ABCA3: variants seen among roughly 807,000 people sequenced by gnomAD.
ABCA3 encodes ATP binding cassette subfamily A member 3.
In ABCA3, 88 loss-of-function variants were observed where a neutral mutation model predicts 172.8. The ratio of observed to expected loss-of-function variants is 0.51; its 90% CI spans 0.43 to 0.61. ABCA3 has a LOEUF of 0.61. ABCA3 is among the 20% of genes least tolerant of loss of function. The pLI is 0.00. For missense variants in ABCA3, 2,164 were observed against 2,301.0 expected (o/e 0.94, Z 1.22); for synonymous variants, 1,066 against 983.8 (o/e 1.08, Z -1.56).
chr16:2,315,250 G>A (rs1161251333), intron 10 of ABCA3, among the ~76,000 whole-genome samples: 1 of 146,738 alleles, frequency 6.8e-6, no homozygotes, highest in Non-Finnish European at 1.5e-5. Context: ...ACACAGCAAA[G>A]TCTGATGAGA....
rs981158726 is a variant in ABCA3 at position 2,286,273 on chromosome 16, G to A, written c.3278+421C>T. ...CCCTGCCCACACAATGGCATGGCAG[G>A]CTCCCGACGTGCGGCCATCTGAGGA... On this transcript the variant is annotated intron_variant, in intron 22 of 32. Transcript: ENST00000301732. This position sits in a 1 kb window ranked among gnomAD's most constrained non-coding sequence, Gnocchi z 5.2. Among the ~76,000 whole-genome samples the A allele has an allele frequency of 3.2e-4, 49 of 152,324 alleles. No homozygotes were observed. Among genetic ancestry groups the A allele is most frequent in the African/African-American group, 1.2e-3 (49 of 41,576 alleles).
At chr16:2,291,446 AG>A (rs2093671869) in intron 19 of ABCA3, among the ~76,000 whole-genome samples, 1 of 151,960 alleles carries the variant, frequency 6.6e-6, no homozygotes, top group African/African-American at 2.4e-5. Flanking sequence ...CACCACGCCC[AG>A]CCCCCATGCA....
intron 18 of ABCA3, among the ~76,000 whole-genome samples, chr16:2,295,315 G>A (rs1023264779): frequency 6.6e-6 from 1 of 152,228 alleles, no homozygotes; most frequent in East Asian, 1.9e-4. Context: ...GGGAGTGTGA[G>A]CCCTGCATCA....
At chr16:2,317,038 C>T (rs1025581516) in intron 10 of ABCA3, among the ~76,000 whole-genome samples, 14 of 152,236 alleles carry the variant, frequency 9.2e-5, no homozygotes, top group African/African-American at 3.4e-4. Context: ...ACTTCTGGCT[C>T]GCCTTCCCTT....
At chr16:2,336,935 C>A (rs1008140104) in intron 1 of ABCA3, among the ~76,000 whole-genome samples, 5 of 150,370 alleles carry the variant, frequency 3.3e-5, no homozygotes, top group South Asian at 2.1e-4. Context: ...CTGTTAGAGA[C>A]AGGGTCTTGC....
At chr16:2,299,336 G>A (rs1168495608) in intron 14 of ABCA3, 67 bp downstream of exon 14, 4 of 1,601,246 alleles carry the variant, frequency 2.5e-6, no homozygotes, top group Non-Finnish European at 3.4e-6. Flanking sequence ...GTGAGGCGGG[G>A]CTGGCGCTGA....
Position 2,297,457 on chromosome 16 carries a change from C to CTT in ABCA3, c.2133_2134dup (p.Ser712LysfsTer8). On this transcript the variant is annotated frameshift_variant, in exon 17 of 33. Transcript: ENST00000301732. LOFTEE classifies it high-confidence loss of function. This position sits in a 1 kb window ranked among gnomAD's most constrained non-coding sequence, Gnocchi z 5.6. ...GGTGGTCAGCACGATGGTGCGGTCA[C>CTT]TTTTCTGCCGCTGAAGAAGATCCCA... The CTT allele has an allele frequency of 6.2e-7, 1 of 1,613,812 alleles. No homozygotes were observed.
chr16:2,305,856 A>G (rs1306211693), intron 11 of ABCA3, among the ~76,000 whole-genome samples: 1 of 152,098 alleles, frequency 6.6e-6, no homozygotes, highest in Non-Finnish European at 1.5e-5. Flanking sequence ...TCACAGAAAT[A>G]TTTCAAACAC....
chr16:2,325,782 T>C (rs2093733183), intron 5 of ABCA3, among the ~76,000 whole-genome samples: 1 of 152,168 alleles, frequency 6.6e-6, no homozygotes, highest in African/African-American at 2.4e-5. Context: ...GTGATGGTGC[T>C]ATCGGACCCA....
intron 3 of ABCA3, 48 bp from the exon 4 acceptor site, chr16:2,326,540 G>A (rs746627053): frequency 6.5e-6 from 10 of 1,544,846 alleles, no homozygotes; most frequent in African/African-American, 1.4e-5. Context: ...ATAGAAACAC[G>A]CAGAGTGGGG....
chr16:2,300,066 T>A lies in ABCA3; in HGVS notation c.1550A>T (p.Glu517Val). Residue 517 changes from glutamate to valine, a missense_variant, in exon 13 of 33, where the codon GAG (glutamate) becomes GTG (valine). Physicochemically the swap from Glu to Val is moderately radical, Grantham distance 121. Transcript: ENST00000301732. ...GTCCTCTGGCTCGGCTTCAAAGTAC[T>A]CGTTTCTGAGTGCTTTCTCGGGGTC... ...DSDPEKALRN[E>V]YFEAEPEDLV... 2 of 1,613,500 alleles carry A rather than the reference T, an allele frequency of 1.2e-6. No individual in the cohort carries two copies. The highest frequency in any genetic ancestry group is 1.7e-6 in the Non-Finnish European group (2 of 1,179,900).
Position 2,326,166 on chromosome 16 carries a change from T to C in ABCA3, c.163A>G (p.Thr55Ala). Residue 55 changes from threonine to alanine, a missense_variant, in exon 5 of 33, where the codon ACC (threonine) becomes GCC (alanine). Around this residue, in one of 3 missense-constraint regions of ABCA3, gnomAD observed 1,343 missense variants for 1,369.6 expected, o/e 0.98. Coordinates refer to ENST00000301732, the MANE Select transcript of ABCA3 (RefSeq NM_001089.3). ...KIQSENVPNATIYPGQSIQEL... is the reference protein window; with the variant it reads ...KIQSENVPNAAIYPGQSIQEL... ...TGGATGGACTGGCCCGGGTAGATGGTGGCGTTGGGCACATTTTCCGACTGA... is the reference window on the plus strand; with the variant it reads ...TGGATGGACTGGCCCGGGTAGATGGCGGCGTTGGGCACATTTTCCGACTGA... The C allele has an allele frequency of 6.2e-7, 1 of 1,614,022 alleles. No individual in the cohort carries two copies.
rs1237305350 is a variant in ABCA3 at position 2,281,335 on chromosome 16, G to A, written c.4164+46C>T. Reference sequence around the variant, plus strand: ...TGGGGTCGGACCCTGGGGACAGCCAGGTAGTCAGCTGGCAGGAAGGACTCC... The same window carrying A: ...TGGGGTCGGACCCTGGGGACAGCCAAGTAGTCAGCTGGCAGGAAGGACTCC... On this transcript the variant is annotated intron_variant, in intron 27 of 32. Transcript: ENST00000301732. This position sits in a 1 kb window ranked among gnomAD's most constrained non-coding sequence, Gnocchi z 4.7. 2.5e-6 allele frequency: 4 copies of A among 1,613,452 alleles called. No homozygotes were observed. The highest frequency in any genetic ancestry group is 1.7e-5 in the Admixed American group (1 of 60,024).
In ABCA3 at chr16:2,297,306, C is replaced by A. The variant is rs759833008; in HGVS notation, c.2263+23G>T. Reference sequence around the variant, plus strand: ...ACGGCAGCCAGGACACCGACCCTGTCGCGGGCTGGCCCCACCGCTCACCGT... The same window carrying A: ...ACGGCAGCCAGGACACCGACCCTGTAGCGGGCTGGCCCCACCGCTCACCGT... On this transcript the variant is annotated intron_variant, in intron 17 of 32. Coordinates refer to ENST00000301732, the MANE Select transcript of ABCA3 (RefSeq NM_001089.3). The surrounding 1 kb of genome is among the most constrained non-coding windows in gnomAD (Gnocchi z 5.6). 1 of 1,607,118 alleles carries A rather than the reference C, an allele frequency of 6.2e-7. No homozygotes were observed. Among genetic ancestry groups the A allele is most frequent in the African/African-American group, 1.3e-5 (1 of 74,720 alleles).
intron 11 of ABCA3, among the ~76,000 whole-genome samples, chr16:2,305,021 C>G (rs2141716561): frequency 6.6e-6 from 1 of 152,220 alleles, no homozygotes; most frequent in African/African-American, 2.4e-5. Flanking sequence ...CCGTGTTGCC[C>G]AGCCTGGTCT....
At position 2,286,924 on chromosome 16, in the gene ABCA3, C is replaced by A. The variant is rs528986867; in HGVS notation, c.3048G>T (p.Gly1016=). 6 of 1,613,930 alleles carry A rather than the reference C, an allele frequency of 3.7e-6. No homozygotes were observed. The East Asian group carries it at 1.3e-4, about 36-fold the overall frequency. Residue 1016 remains glycine (G), a synonymous_variant, in exon 22 of 33, where the codon GGG becomes GGT. Coordinates refer to ENST00000301732, the MANE Select transcript of ABCA3 (RefSeq NM_001089.3). The surrounding 1 kb of genome is among the most constrained non-coding windows in gnomAD (Gnocchi z 5.2). ...EFLIFRASVE[G]GGFNERCLVA... Reference sequence around the variant, plus strand: ...CAAGGCACCGCTCATTAAAGCCGCCCCCCTCCACAGAAGCCCTGAAGATCA... The same window carrying A: ...CAAGGCACCGCTCATTAAAGCCGCCACCCTCCACAGAAGCCCTGAAGATCA...
chr16:2,276,449 A>C lies in ABCA3; in HGVS notation c.*225T>G. 2.5e-6 allele frequency: 2 copies of C among 806,860 alleles called. No homozygotes were observed. Among genetic ancestry groups the C allele is most frequent in the Non-Finnish European group, 2.0e-6 (1 of 504,494 alleles). 50.0% of individuals were successfully genotyped at this position (806,860 alleles called of 1,614,324 possible). On this transcript the variant is annotated 3_prime_UTR_variant, in exon 33 of 33. Transcript: ENST00000301732. ...TGCCCGGCCTGCCCCAGCTCTGGGAAAGTGAACTCCAGAGTATGCAGACAT... is the reference window on the plus strand; with the variant it reads ...TGCCCGGCCTGCCCCAGCTCTGGGACAGTGAACTCCAGAGTATGCAGACAT...
At chr16:2,290,460 C>T (rs189780737) in intron 19 of ABCA3, among the ~76,000 whole-genome samples, 29 of 152,046 alleles carry the variant, frequency 1.9e-4, no homozygotes, top group African/African-American at 5.1e-4. Context: ...ACAGGTGGGC[C>T]GTGTGGTGAG....
At position 2,286,907 on chromosome 16, in the gene ABCA3, C is replaced by G. The variant is rs762690602; in HGVS notation, c.3065G>C (p.Arg1022Pro). ...TCTGAAGGACGCTGCCACAAGGCAC[C>G]GCTCATTAAAGCCGCCCCCCTCCAC... The part of the protein sequence containing the change: ...ASVEGGGFNE[R>P]CLVAASFRDV... The change falls in exon 22 of 33, where the codon CGG (arginine) becomes CCG (proline). Residue 1022 changes from arginine to proline, a missense_variant. Coordinates refer to ENST00000301732, the MANE Select transcript of ABCA3 (RefSeq NM_001089.3). The surrounding 1 kb of genome is among the most constrained non-coding windows in gnomAD (Gnocchi z 5.2). 1 of 1,614,030 alleles carries G rather than the reference C, an allele frequency of 6.2e-7. No homozygotes were observed. Among genetic ancestry groups the G allele is most frequent in the Admixed American group, 1.7e-5 (1 of 60,008 alleles).
Sources: gnomAD v4.1 joint callset for allele counts (sites outside exome capture counted in the v4.1 genomes callset) on GRCh38, gnomAD v4.1.1 for gene constraint, gnomAD v4.1.1 regional missense constraint, Gnocchi (gnomAD v3.1) non-coding constraint, MANE v1.5 for transcripts, NCBI Gene and HGNC (gene_info 2026-07-23, HGNC 2026-07-21) for gene names.